Variants in ADAMTSL1 observed in about 807,000 individuals in gnomAD.
ADAMTSL1 encodes ADAMTS like 1.
A neutral mutation model predicts 201.8 loss-of-function variants in ADAMTSL1; 126 were observed. The observed-to-expected ratio is 0.62, with a 90% CI of 0.54 to 0.72. The LOEUF is 0.72. ADAMTSL1 is among the 30% of genes least tolerant of loss of function. ADAMTSL1 has a pLI of 0.00. For missense variants in ADAMTSL1, 2,679 were observed against 2,277.8 expected, an observed-to-expected ratio of 1.18 and a Z score of -3.59; for synonymous variants, 1,121 against 903.4, an observed-to-expected ratio of 1.24 and a Z score of -4.32.
intron 3 of ADAMTSL1, among the ~76,000 whole-genome samples, chr9:18,537,163 C>T (rs1190285249): frequency 1.3e-5 from 2 of 152,164 alleles, no homozygotes; most frequent in African/African-American, 2.4e-5. Context: ...AGACCCAATT[C>T]TCCTGAACCT....
chr9:18,138,812 G>A (rs759993020), intron 1 of ADAMTSL1, among the ~76,000 whole-genome samples: 33 of 152,074 alleles, frequency 2.2e-4, no homozygotes, highest in Non-Finnish European at 7.4e-5. Context: ...ATCTTGTCTC[G>A]GGTGGTTGAA....
chr9:18,164,966 T>C (rs748173396), intron 2 of ADAMTSL1, among the ~76,000 whole-genome samples: 21 of 151,924 alleles, frequency 1.4e-4, no homozygotes, highest in Non-Finnish European at 2.7e-4. Flanking sequence ...TCTCAAAGCA[T>C]ATGGCCCAGT....
At chr9:18,307,411 G>T (rs1208011365) in intron 2 of ADAMTSL1, among the ~76,000 whole-genome samples, 2 of 152,090 alleles carry the variant, frequency 1.3e-5, no homozygotes, top group East Asian at 3.9e-4. Flanking sequence ...ATTGGATAAA[G>T]GGTCAAGACC....
intron 2 of ADAMTSL1, among the ~76,000 whole-genome samples, chr9:18,280,777 T>C (rs1028383890): frequency 6.6e-5 from 10 of 152,204 alleles, no homozygotes; most frequent in African/African-American, 2.4e-4. Flanking sequence ...TTCACTTAAT[T>C]GTTCCAGTAG....
At chr9:18,444,889 A>G (rs917627738) in intron 2 of ADAMTSL1, among the ~76,000 whole-genome samples, 3 of 152,148 alleles carry the variant, frequency 2.0e-5, no homozygotes, top group Admixed American at 2.0e-4. Context: ...ACTGTTGAGC[A>G]CTTAATCTGA....
At chr9:18,452,180 T>A (rs1366477116) in intron 2 of ADAMTSL1, among the ~76,000 whole-genome samples, 1 of 152,196 alleles carries the variant, frequency 6.6e-6, no homozygotes, top group Non-Finnish European at 1.5e-5. Context: ...CCGAAAGTGC[T>A]GGGATTACAG....
rs563702535 is a variant in ADAMTSL1, at chr9:18,558,831, A to G, written c.238-15199A>G. On this transcript the variant is annotated intron_variant, in intron 3 of 28. Transcript: ENST00000380548. ...CTTCTTTTGAGAAATGTCTGTTCAT[A>G]TCATTTGCCCACTTTTTGATAGGGT... Among the ~76,000 whole-genome samples the G allele has an allele frequency of 5.9e-5, 9 of 152,168 alleles. No homozygotes were observed. The South Asian group carries it at 1.9e-3, about 32-fold the overall frequency.
In ADAMTSL1 at chr9:18,740,208, A is replaced by G. The variant is rs940411720; in HGVS notation, c.2007-13090A>G. Among the ~76,000 whole-genome samples the G allele has an allele frequency of 5.3e-5, 8 of 152,228 alleles. No homozygotes were observed. In the East Asian group the frequency reaches 1.6e-3, roughly 30 times the overall value. On this transcript the variant is annotated intron_variant, in intron 15 of 28. Coordinates refer to ENST00000380548, the MANE Select transcript of ADAMTSL1 (RefSeq NM_001040272.6). The stretch of plus-strand genomic sequence containing the variant: ...CAAATCTCGGGACAGACAGGAAAAG[A>G]GCCTGCTGGCCATTCCAGCACTCAG...
At chr9:18,824,992 G>A (rs762549886) in intron 21 of ADAMTSL1, among the ~76,000 whole-genome samples, 6 of 152,074 alleles carry the variant, frequency 3.9e-5, no homozygotes, top group Non-Finnish European at 2.9e-5. Flanking sequence ...CATCACGCCC[G>A]GCCAGGACTT....
chr9:18,206,358 GA>G (rs1385108189), intron 2 of ADAMTSL1, among the ~76,000 whole-genome samples: 1 of 152,098 alleles, frequency 6.6e-6, no homozygotes, highest in African/African-American at 2.4e-5. Flanking sequence ...GGGTGTACTA[GA>G]GCAGCATGTC....
intron 2 of ADAMTSL1, among the ~76,000 whole-genome samples, chr9:18,440,309 C>T (rs1819941241): frequency 6.6e-6 from 1 of 152,006 alleles, no homozygotes; most frequent in South Asian, 2.1e-4. Context: ...GAACAGAACA[C>T]CCACAAAAAC....
intron 23 of ADAMTSL1, among the ~76,000 whole-genome samples, chr9:18,881,006 A>T (rs1487801230): frequency 6.6e-6 from 1 of 152,136 alleles, no homozygotes; most frequent in Non-Finnish European, 1.5e-5. Context: ...CTAGCTTCCA[A>T]CTTTTCCTCT....
chr9:18,048,460 A>G (rs1265715256), intron 1 of ADAMTSL1, among the ~76,000 whole-genome samples: 1 of 152,214 alleles, frequency 6.6e-6, no homozygotes, highest in Non-Finnish European at 1.5e-5. Context: ...ATACTGCTAT[A>G]TAGATAGTGG....
intron 19 of ADAMTSL1, among the ~76,000 whole-genome samples, chr9:18,781,441 G>C (rs10963755): frequency 0.29 from 44,172 of 152,114 alleles, 6,462 homozygotes; most frequent in East Asian, 0.39. Flanking sequence ...TTCCATTTTT[G>C]TTGGCTGTTC....
intron 2 of ADAMTSL1, among the ~76,000 whole-genome samples, chr9:18,461,772 C>G (rs867312177): frequency 6.6e-6 from 1 of 152,218 alleles, no homozygotes; most frequent in Middle Eastern, 3.4e-3. Flanking sequence ...GAAGTCGACA[C>G]AAAGAAATAT....
chr9:17,968,325 C>T (rs1388875985), intron 1 of ADAMTSL1, among the ~76,000 whole-genome samples: 5 of 152,060 alleles, frequency 3.3e-5, no homozygotes, highest in Admixed American at 3.3e-4. Flanking sequence ...CTAAGTGTTA[C>T]AATTTCTAAA....
At chr9:17,972,005 A>G (rs2131429481) in intron 1 of ADAMTSL1, among the ~76,000 whole-genome samples, 1 of 151,856 alleles carries the variant, frequency 6.6e-6, no homozygotes, top group South Asian at 2.1e-4. Context: ...ATATATATTT[A>G]AGGCGTACAA....
chr9:18,347,273 A>T (rs561180135), intron 2 of ADAMTSL1, among the ~76,000 whole-genome samples: 1 of 152,194 alleles, frequency 6.6e-6, no homozygotes, highest in Admixed American at 6.5e-5. Flanking sequence ...GAACAATCTG[A>T]TGTCTCTGGT....
At chr9:18,267,762 T>TAAAAAAAAAAAAAAAAAAAAA (rs72030473) in intron 2 of ADAMTSL1, among the ~76,000 whole-genome samples, 2 of 125,286 alleles carry the variant, frequency 1.6e-5, no homozygotes, top group African/African-American at 6.7e-5. Flanking sequence ...CAAAGGCTAT[T>TAAAAAAAAAAAAAAAAAAAAA]AAAAAAAAAA....
Sources: allele counts gnomAD v4.1 joint callset (sites outside exome capture counted in the v4.1 genomes callset), GRCh38; gene constraint gnomAD v4.1.1; transcripts MANE v1.5; gene names NCBI Gene and HGNC (gene_info 2026-07-23, HGNC 2026-07-21).